Variants in SLC23A1 observed in about 807,000 individuals in gnomAD.
The protein encoded by SLC23A1 is Na(+)/L-ascorbic acid transporter 1.
SLC23A1 carries 31 observed loss-of-function variants against 62.5 expected under a neutral mutation model. The ratio of observed to expected loss-of-function variants is 0.50; its 90% confidence interval spans 0.37 to 0.67. SLC23A1 has a LOEUF of 0.67. SLC23A1 is among the 30% of genes least tolerant of loss of function. The pLI, the probability that SLC23A1 is intolerant of heterozygous loss-of-function variation, is 0.00. For missense variants in SLC23A1, 640 were observed against 782.7 expected (o/e 0.82, Z 2.18); for synonymous variants, 271 against 313.2 (o/e 0.87, Z 1.42).
chr5:139,372,107 G>C lies in SLC23A1; in HGVS notation c.1696C>G (p.Pro566Ala), dbSNP rs976667229. The change falls in exon 14 of 15, where the codon CCA becomes GCA. Residue 566 changes from proline (P) to alanine (A), a missense_variant. Pro to Ala is a conservative substitution (Grantham distance 27). Transcript: ENST00000348729. ...CTTGAAGAAAATCCTTTGAAGACTG[G>C]GCAGATAGGAATGTATTTCAGAAAG... ...ITFLKYIPIC[P>A]VFKGFSSSSK... The C allele has an allele frequency of 6.2e-7, 1 of 1,613,080 alleles. No individual in the cohort carries two copies. Among genetic ancestry groups the C allele is most frequent in the Non-Finnish European group, 8.5e-7 (1 of 1,179,034 alleles).
At chr5:139,374,318 G>A (rs1757836344) in intron 13 of SLC23A1, among the ~76,000 whole-genome samples, 1 of 152,118 alleles carries the variant, frequency 6.6e-6, no homozygotes, top group African/African-American at 2.4e-5. Context: ...CGTGGTGGCG[G>A]GCACCGGTAG....
chr5:139,383,875 G>A (rs990185829), upstream of SLC23A1, among the ~76,000 whole-genome samples: 1 of 152,234 alleles, frequency 6.6e-6, no homozygotes, highest in African/African-American at 2.4e-5. Flanking sequence ...GGTCTGAGCT[G>A]CCTTGCCCTC....
At chr5:139,383,418 T>TTAACTCTCAC, upstream of SLC23A1, 1 of 1,403,562 alleles carries the variant, frequency 7.1e-7, no homozygotes, top group East Asian at 2.8e-5. Flanking sequence ...AGGTAATGTA[T>TTAACTCTCAC]TAACTCTCAC....
chr5:139,382,372 C>T (rs1454590026), intron 2 of SLC23A1, 120 bp downstream of exon 2: 2 of 624,110 alleles, frequency 3.2e-6, no homozygotes, highest in Non-Finnish European at 5.7e-6. Context: ...TTGCTGACAG[C>T]CACTGTGCTG....
rs576789748 is a variant in SLC23A1, at chr5:139,380,057, G to A, written c.667C>T (p.Leu223Phe). 2 of 1,612,434 alleles carry A rather than the reference G, an allele frequency of 1.2e-6. No individual in the cohort carries two copies. Among genetic ancestry groups the A allele is most frequent in the South Asian group, 1.1e-5 (1 of 90,838 alleles). Residue 223 changes from leucine (L) to phenylalanine (F), a missense_variant, in exon 7 of 15, where the codon CTC becomes TTC. By Grantham distance (22) the Leu-to-Phe change is conservative. Coordinates refer to ENST00000348729, the MANE Select transcript of SLC23A1 (RefSeq NM_005847.5). ...AGGTTGCGCAGGTACTGGGAGAAGA[G>A]GATGATCAGGAGAATGGAGCTGGGG... ...ISACSILLII[L>F]FSQYLRNLTF...
At chr5:139,370,258 C>G (rs1020803833) in intron 14 of SLC23A1, among the ~76,000 whole-genome samples, 1 of 152,124 alleles carries the variant, frequency 6.6e-6, no homozygotes, top group Admixed American at 6.5e-5. Context: ...GCAACCTTCA[C>G]CTCCCAGGTT....
In SLC23A1 at chr5:139,378,375, C is replaced by A. The variant is rs201833547; in HGVS notation, c.1180-24G>T. 5.2e-6 allele frequency: 8 copies of A among 1,551,656 alleles called. No homozygotes were observed. Among genetic ancestry groups the A allele is most frequent in the Non-Finnish European group, 6.1e-6 (7 of 1,147,942 alleles). ...ACCTGCCGGGGAGCCAGCGGGGAAG[C>A]TAGACCTGGGGACGAGGCTGGGGCG... is the stretch of plus-strand genomic sequence containing the variant. On this transcript the variant is annotated intron_variant, in intron 10 of 14. Coordinates refer to ENST00000348729, the MANE Select transcript of SLC23A1 (RefSeq NM_005847.5). The surrounding 1 kb of genome is among the most constrained non-coding windows in gnomAD (Gnocchi z 4.5).
intron 2 of SLC23A1, 197 bp downstream of exon 2, chr5:139,382,295 T>C (rs1758310774): frequency 1.7e-6 from 1 of 600,478 alleles, no homozygotes; most frequent in Admixed American, 3.0e-5. Flanking sequence ...ACACCCCACC[T>C]GGCAAGCGTC....
At chr5:139,374,200 T>C (rs1416401589) in intron 13 of SLC23A1, among the ~76,000 whole-genome samples, 1 of 152,228 alleles carries the variant, frequency 6.6e-6, no homozygotes, top group Admixed American at 6.5e-5. Flanking sequence ...GCTGGTAAGC[T>C]CTAGCAGCAT....
chr5:139,383,473 C>G (rs1758390215), upstream of SLC23A1: 1 of 764,444 alleles, frequency 1.3e-6, no homozygotes, highest in African/African-American at 1.9e-5. Context: ...TGTGCCCTTC[C>G]CTGCCCACAT....
At chr5:139,374,475 A>G (rs568655905) in intron 13 of SLC23A1, among the ~76,000 whole-genome samples, 1 of 152,310 alleles carries the variant, frequency 6.6e-6, no homozygotes, top group South Asian at 2.1e-4. Context: ...AAACAAATGC[A>G]AAATGGCCCA....
intron 3 of SLC23A1, among the ~76,000 whole-genome samples, chr5:139,381,470 T>C (rs1274804772): frequency 1.3e-5 from 2 of 151,962 alleles, no homozygotes; most frequent in African/African-American, 4.8e-5. Flanking sequence ...GGCGCATGCC[T>C]GTAATCCCAG....
intron 14 of SLC23A1, among the ~76,000 whole-genome samples, chr5:139,370,067 A>G (rs542195962): frequency 6.6e-6 from 1 of 152,316 alleles, no homozygotes; most frequent in South Asian, 2.1e-4. Context: ...TTAGGTTGAA[A>G]AAGATTAAGA....
chr5:139,384,687 C>A, upstream of SLC23A1: 1 of 1,200,390 alleles, frequency 8.3e-7, no homozygotes, highest in Non-Finnish European at 1.1e-6. Context: ...AACCACACAA[C>A]ACGCATAGAG....
chr5:139,383,655 C>T (rs1472645008), upstream of SLC23A1, among the ~76,000 whole-genome samples: 1 of 152,224 alleles, frequency 6.6e-6, no homozygotes, highest in Non-Finnish European at 1.5e-5. Flanking sequence ...ATAACTAGTT[C>T]ATCATTATCA....
At chr5:139,382,128 G>A (rs1412051728) in intron 2 of SLC23A1, 79 bp from the exon 3 acceptor site, 2 of 1,415,480 alleles carry the variant, frequency 1.4e-6, no homozygotes, top group East Asian at 5.0e-5. Context: ...GTGTCCTCAT[G>A]CCTGCCTCAG....
chr5:139,379,360 C>T lies in SLC23A1; in HGVS notation c.926-6G>A, dbSNP rs768353821. On this transcript the variant is annotated splice_region_variant and splice_polypyrimidine_tract_variant and intron_variant, in intron 8 of 14. Transcript: ENST00000348729. This position sits in a 1 kb window ranked among gnomAD's most constrained non-coding sequence, Gnocchi z 4.7. ...CGTGGGCAGGCCCCACTGACCTGTGCTCGGAGGGAGACAGGATGGTGGCTA... is the reference window on the plus strand; with the variant it reads ...CGTGGGCAGGCCCCACTGACCTGTGTTCGGAGGGAGACAGGATGGTGGCTA... 7 of 1,613,732 alleles carry T rather than the reference C, an allele frequency of 4.3e-6. No individual in the cohort carries two copies. In the South Asian group the frequency reaches 7.7e-5, roughly 18 times the overall value.
intron 14 of SLC23A1, 53 bp from the exon 15 acceptor site, chr5:139,367,684 G>A (rs1181370215): frequency 1.3e-5 from 2 of 151,920 alleles, no homozygotes; most frequent in Admixed American, 1.3e-4. Flanking sequence ...CATTTTTAGT[G>A]AGGATTCTAA....
chr5:139,376,363 T>C (rs1486432648), intron 13 of SLC23A1, among the ~76,000 whole-genome samples: 2 of 151,924 alleles, frequency 1.3e-5, no homozygotes, highest in African/African-American at 2.4e-5. Flanking sequence ...AGAGATGGGG[T>C]TTCACCATGT....
Sources: allele counts gnomAD v4.1 joint callset (sites outside exome capture counted in the v4.1 genomes callset), GRCh38; gene constraint gnomAD v4.1.1; non-coding constraint Gnocchi (gnomAD v3.1); transcripts MANE v1.5; gene names NCBI Gene and HGNC (gene_info 2026-07-23, HGNC 2026-07-21).